Variants in GSE1 observed in about 807,000 individuals in gnomAD.
GSE1 encodes the protein genetic suppressor element 1.
In GSE1, 32 loss-of-function variants were observed where a neutral mutation model predicts 112.6. That is an observed-to-expected ratio of 0.28 (90% confidence interval 0.21 to 0.38). The LOEUF (loss-of-function observed/expected upper bound fraction) is 0.38. GSE1 is among the 10% of genes least tolerant of loss of function. GSE1 has a pLI of 1.00. For synonymous variants in GSE1, 1,115 were observed against 735.6 expected (o/e 1.52, Z -8.35); for missense variants, 2,348 against 1,699.2 (o/e 1.38, Z -6.71).
chr16:85,173,720 C>T (rs145843853), intron 1 of GSE1, among the ~76,000 whole-genome samples: 4 of 152,274 alleles, frequency 2.6e-5, no homozygotes, highest in East Asian at 3.9e-4. Flanking sequence ...GGGATGCTGC[C>T]CGTCGGCCTT....
chr16:85,183,259 T>A (rs779822650), intron 1 of GSE1, among the ~76,000 whole-genome samples: 4 of 152,106 alleles, frequency 2.6e-5, no homozygotes, highest in Non-Finnish European at 4.4e-5. Flanking sequence ...GCACACACAC[T>A]CACATTCTTG....
At chr16:85,356,020 C>T (rs763757983) in intron 1 of GSE1, among the ~76,000 whole-genome samples, 2 of 152,046 alleles carry the variant, frequency 1.3e-5, no homozygotes, top group Non-Finnish European at 2.9e-5. Flanking sequence ...GAGTGAGACT[C>T]CATCTCAAAA....
rs755458438 is a variant in GSE1 at position 85,187,785 on chromosome 16, C to T, written c.2283+15978C>T. Among the ~76,000 whole-genome samples, 4 of 152,268 alleles carry T rather than the reference C, an allele frequency of 2.6e-5. No individual in the cohort carries two copies. The East Asian group carries it at 5.8e-4, about 22-fold the overall frequency. ...TCACAGGACTGTGGGACATGGAGCA[C>T]GTGAAGCCATAGCCGAGGGCCCTTC... On this transcript the variant is annotated intron_variant, in intron 1 of 2. Transcript: ENST00000637419.
At chr16:85,618,414 G>T (rs898696283) in intron 1 of GSE1, among the ~76,000 whole-genome samples, 1 of 152,210 alleles carries the variant, frequency 6.6e-6, no homozygotes, top group Non-Finnish European at 1.5e-5. Flanking sequence ...CTGGAGCGTG[G>T]GGTGAGCCCC....
chr16:85,173,065 C>G (rs2074390025), intron 1 of GSE1, among the ~76,000 whole-genome samples: 1 of 152,350 alleles, frequency 6.6e-6, no homozygotes, highest in East Asian at 1.9e-4. Flanking sequence ...GTCACAGATG[C>G]TGAAGCTCTC....
At position 85,634,021 on chromosome 16, in the gene GSE1, G is replaced by C. The variant is rs776648561; in HGVS notation, c.115G>C (p.Val39Leu). The change falls in exon 2 of 16, where the codon GTG becomes CTG. Residue 39 changes from valine to leucine, a missense_variant. Physicochemically the swap from Val to Leu is conservative, Grantham distance 32. Coordinates refer to ENST00000253458, the MANE Select transcript of GSE1 (RefSeq NM_014615.5). ...LTPSPLNGALVPSGSPATSSA... is the reference protein window; with the variant it reads ...LTPSPLNGALLPSGSPATSSA... ...CCCCTCGCCGCTCAATGGCGCCCTG[G>C]TGCCCAGCGGCAGCCCCGCCACCAG... 2 of 1,611,550 alleles carry C rather than the reference G, an allele frequency of 1.2e-6. No homozygotes were observed. The highest frequency in any genetic ancestry group is 2.7e-5 in the African/African-American group (2 of 74,872).
intron 1 of GSE1, among the ~76,000 whole-genome samples, chr16:85,193,466 C>A (rs985116107): frequency 2.0e-5 from 3 of 146,656 alleles, no homozygotes; most frequent in African/African-American, 7.4e-5. Context: ...TTGTTTTTTG[C>A]TTTTGTTTTT....
chr16:85,268,887 G>GTCTCGCCATCCACTCGGGAAAGAGC (rs1382943737), intron 1 of GSE1, among the ~76,000 whole-genome samples: 4 of 150,116 alleles, frequency 2.7e-5, no homozygotes, highest in South Asian at 2.1e-4. Flanking sequence ...TGAAGGATGG[G>GTCTCGCCATCCACTCGGGAAAGAGC]ACCCATTTCT....
chr16:85,546,815 G>A (rs1187737414), intron 2 of GSE1, among the ~76,000 whole-genome samples: 3 of 152,214 alleles, frequency 2.0e-5, no homozygotes, highest in South Asian at 2.1e-4. Flanking sequence ...GATTCTTGTC[G>A]TTACTGTCAC....
At chr16:85,660,126 G>C (rs1309420033) in intron 8 of GSE1, among the ~76,000 whole-genome samples, 1 of 152,258 alleles carries the variant, frequency 6.6e-6, no homozygotes, top group African/African-American at 2.4e-5. Flanking sequence ...ACAGCAGGAG[G>C]AGAGGGTGCT....
rs574752894 is a variant in GSE1 at position 85,645,220 on chromosome 16, CAG to C, written c.227-3331_227-3330del. Among the ~76,000 whole-genome samples the C allele has an allele frequency of 5.9e-4, 90 of 152,186 alleles. 2 individuals are homozygous for C. In the South Asian group the frequency reaches 0.018, roughly 30 times the overall value. The stretch of plus-strand genomic sequence containing the variant: ...GGGGGTCTGGGGTTGGGTCACGCCT[CAG>C]GGGCAGCAGCCCTCAGCCTCATTCC... On this transcript the variant is annotated intron_variant, in intron 2 of 15. Transcript: ENST00000253458.
intron 1 of GSE1, among the ~76,000 whole-genome samples, chr16:85,622,139 A>G (rs1046736396): frequency 9.9e-5 from 15 of 152,262 alleles, no homozygotes; most frequent in Non-Finnish European, 8.8e-5. Context: ...GGAAAAGGTG[A>G]CCAGTTTGTC....
At chr16:85,670,690 ATT>A (rs34099838) in intron 14 of GSE1, 459 of 168,144 alleles carry the variant, frequency 2.7e-3, no homozygotes, top group East Asian at 9.2e-3. Context: ...CTGAAAGCCT[ATT>A]TTTTTTTTTT....
intron 1 of GSE1, among the ~76,000 whole-genome samples, chr16:85,221,881 C>G (rs1403090368): frequency 1.3e-5 from 2 of 152,192 alleles, no homozygotes; most frequent in Non-Finnish European, 2.9e-5. Context: ...TTTTCCGCCT[C>G]TGATGGAGAG....
upstream of GSE1, among the ~76,000 whole-genome samples, chr16:85,554,159 G>T (rs556397883): frequency 2.2e-4 from 34 of 152,166 alleles, 1 homozygote; most frequent in Middle Eastern, 0.014. Context: ...TGCGTTTAAG[G>T]AGAGGGTGGG....
chr16:85,559,319 G>A (rs2045401522), intron 1 of GSE1, among the ~76,000 whole-genome samples: 3 of 152,344 alleles, frequency 2.0e-5, no homozygotes, highest in South Asian at 4.1e-4. Flanking sequence ...GGGAGTGGCG[G>A]AGCTGGGACA....
chr16:85,216,569 G>A lies in GSE1; in HGVS notation c.2283+44762G>A, dbSNP rs112622452. Reference sequence around the variant, plus strand: ...ACACGTGTCAGGAACACAAACTGACGCCTATGACCTTCACTTCATACCCAG... The same window carrying A: ...ACACGTGTCAGGAACACAAACTGACACCTATGACCTTCACTTCATACCCAG... On this transcript the variant is annotated intron_variant, in intron 1 of 2. Coordinates refer to the GSE1 transcript ENST00000637419. 4.4e-3 allele frequency among the ~76,000 whole-genome samples: 664 copies of A among 152,296 alleles called. 2 individuals are homozygous for A. The highest frequency in any genetic ancestry group is 0.015 in the African/African-American group (636 of 41,560).
intron 2 of GSE1, among the ~76,000 whole-genome samples, chr16:85,366,447 A>G (rs915611683): frequency 6.6e-6 from 1 of 152,194 alleles, no homozygotes; most frequent in Admixed American, 6.5e-5. Flanking sequence ...CAATCTATTT[A>G]TCTTCTCTGG....
chr16:85,591,762 A>G (rs1403667782), intron 1 of GSE1, among the ~76,000 whole-genome samples: 1 of 152,220 alleles, frequency 6.6e-6, no homozygotes, highest in African/African-American at 2.4e-5. Context: ...CATTCATTCC[A>G]TAAATGGACA....
Sources: allele counts gnomAD v4.1 joint callset (sites outside exome capture counted in the v4.1 genomes callset), GRCh38; gene constraint gnomAD v4.1.1; transcripts MANE v1.5; gene names NCBI Gene and HGNC (gene_info 2026-07-23, HGNC 2026-07-21).